INPP4B: variants seen among roughly 807,000 people sequenced by gnomAD.
INPP4B encodes inositol polyphosphate-4-phosphatase type II B.
A neutral mutation model predicts 122.5 loss-of-function variants in INPP4B; 55 were observed. That is an observed-to-expected ratio of 0.45 (90% CI 0.36 to 0.56). The LOEUF (loss-of-function observed/expected upper bound fraction) is 0.56, where lower values mean the gene tolerates loss of function less well. INPP4B is among the 20% of genes least tolerant of loss of function. INPP4B has a pLI of 0.00. For missense variants in INPP4B, 1,000 were observed against 1,097.7 expected (o/e 0.91, Z 1.26); for synonymous variants, 403 against 388.7 (o/e 1.04, Z -0.43).
chr4:142,370,176 C>A (rs1004604331), intron 7 of INPP4B, among the ~76,000 whole-genome samples: 1 of 151,992 alleles, frequency 6.6e-6, no homozygotes, highest in Non-Finnish European at 1.5e-5. Context: ...ATACTCAAAC[C>A]CAAGTCATCA....
chr4:142,679,393 T>G (rs1758269048), intron 2 of INPP4B, among the ~76,000 whole-genome samples: 1 of 151,914 alleles, frequency 6.6e-6, no homozygotes, highest in Admixed American at 6.6e-5. Context: ...GGTAAAGTCT[T>G]GCATGGGTAT....
intron 7 of INPP4B, among the ~76,000 whole-genome samples, chr4:142,381,001 C>G (rs911674599): frequency 1.3e-5 from 2 of 152,134 alleles, no homozygotes; most frequent in African/African-American, 4.8e-5. Context: ...TTTATTCACA[C>G]ATTCCCCTAC....
intron 12 of INPP4B, among the ~76,000 whole-genome samples, chr4:142,226,419 T>C (rs1161828420): frequency 6.6e-6 from 1 of 152,190 alleles, no homozygotes; most frequent in Non-Finnish European, 1.5e-5. Flanking sequence ...AGTTAGTCCC[T>C]TACATATCAT....
intron 25 of INPP4B, among the ~76,000 whole-genome samples, chr4:142,052,503 CACTT>C (rs376836601): frequency 3.8e-3 from 580 of 152,154 alleles, no homozygotes; most frequent in African/African-American, 0.012. Flanking sequence ...CTTTTGGAAA[CACTT>C]ACAGACATAA....
At chr4:142,339,762 C>T (rs944096132) in intron 7 of INPP4B, among the ~76,000 whole-genome samples, 1 of 152,136 alleles carries the variant, frequency 6.6e-6, no homozygotes, top group Non-Finnish European at 1.5e-5. Context: ...TTCTCCCTTA[C>T]CATTTTTTTC....
intron 12 of INPP4B, among the ~76,000 whole-genome samples, chr4:142,228,104 G>T (rs1852418362): frequency 6.6e-6 from 1 of 151,594 alleles, no homozygotes. Context: ...TCTAAGATCT[G>T]CTCATCACAA....
intron 1 of INPP4B, among the ~76,000 whole-genome samples, chr4:142,784,171 T>C (rs1194599653): frequency 2.6e-5 from 4 of 151,984 alleles, no homozygotes; most frequent in Non-Finnish European, 5.9e-5. Flanking sequence ...TAGACCAGCC[T>C]GGCCAACATG....
intron 15 of INPP4B, among the ~76,000 whole-genome samples, chr4:142,182,546 C>CA (rs68095300): frequency 0.52 from 15,958 of 30,480 alleles, 3,440 homozygotes; most frequent in South Asian, 0.57. Context: ...GACTCTGTCT[C>CA]AAAAAAAAAA....
At chr4:142,642,089 C>T (rs544228117) in intron 2 of INPP4B, among the ~76,000 whole-genome samples, 3 of 152,104 alleles carry the variant, frequency 2.0e-5, no homozygotes, top group African/African-American at 4.8e-5. Flanking sequence ...CTGTTCATAT[C>T]CTTCGCCCAC....
At chr4:142,238,130 CT>C (rs1303008668) in intron 11 of INPP4B, 119 bp from the exon 12 acceptor site, 2 of 495,470 alleles carry the variant, frequency 4.0e-6, no homozygotes, top group Admixed American at 7.4e-5. Context: ...TCCAAAATGT[CT>C]TTTTTTAAAT....
At chr4:142,798,786 T>C (rs1041388814) in intron 1 of INPP4B, among the ~76,000 whole-genome samples, 10 of 151,968 alleles carry the variant, frequency 6.6e-5, no homozygotes, top group Admixed American at 3.3e-4. Flanking sequence ...TAGTATATTA[T>C]TTATTTAAAG....
At chr4:142,490,384 T>G (rs1359677293) in intron 2 of INPP4B, among the ~76,000 whole-genome samples, 1 of 152,112 alleles carries the variant, frequency 6.6e-6, no homozygotes. Flanking sequence ...CCACCTGTAA[T>G]AACCACCTGT....
chr4:142,517,605 A>G (rs1825576462), intron 2 of INPP4B, among the ~76,000 whole-genome samples: 1 of 152,196 alleles, frequency 6.6e-6, no homozygotes, highest in South Asian at 2.1e-4. Context: ...GCCTTAAACA[A>G]AGAAAGTGAG....
intron 5 of INPP4B, among the ~76,000 whole-genome samples, chr4:142,426,072 G>T (rs1253322404): frequency 2.0e-5 from 3 of 151,984 alleles, no homozygotes; most frequent in Admixed American, 2.0e-4. Flanking sequence ...TCTTTCCTAT[G>T]TATTTAATAG....
At chr4:142,494,434 T>C (rs1822269168) in intron 2 of INPP4B, among the ~76,000 whole-genome samples, 1 of 152,332 alleles carries the variant, frequency 6.6e-6, no homozygotes, top group African/African-American at 2.4e-5. Context: ...TTATGATTTC[T>C]TGTGTTCTTC....
intron 25 of INPP4B, among the ~76,000 whole-genome samples, chr4:142,076,618 A>G (rs899309925): frequency 6.6e-5 from 10 of 152,002 alleles, no homozygotes; most frequent in African/African-American, 2.4e-4. Context: ...GTTCCCAATT[A>G]CGATGTTCCC....
At chr4:142,243,084 G>A (rs182664820) in intron 11 of INPP4B, among the ~76,000 whole-genome samples, 18 of 152,276 alleles carry the variant, frequency 1.2e-4, no homozygotes, top group East Asian at 3.9e-4. Flanking sequence ...AATGCAAGAC[G>A]GAAGAGCATA....
chr4:142,812,944 G>A (rs992680447), intron 1 of INPP4B, among the ~76,000 whole-genome samples: 2 of 152,150 alleles, frequency 1.3e-5, no homozygotes, highest in Non-Finnish European at 2.9e-5. Flanking sequence ...AAAAGGCTTT[G>A]CTATGATCAA....
chr4:142,640,037 G>T (rs762177540), intron 2 of INPP4B, among the ~76,000 whole-genome samples: 6 of 152,006 alleles, frequency 3.9e-5, no homozygotes, highest in Non-Finnish European at 8.8e-5. Flanking sequence ...TATGAATAGT[G>T]AAAAGGTGAA....
Sources: gnomAD v4.1 joint callset for allele counts (sites outside exome capture counted in the v4.1 genomes callset) on GRCh38, gnomAD v4.1.1 for gene constraint, MANE v1.5 for transcripts, NCBI Gene and HGNC (gene_info 2026-07-23, HGNC 2026-07-21) for gene names.